CD3D: variants seen among roughly 807,000 people sequenced by gnomAD.
CD3D encodes CD3 delta subunit of T-cell receptor complex, also known as T-cell surface glycoprotein CD3 delta chain.
Under a neutral mutation model 22.0 loss-of-function variants are expected in CD3D, and 22 were observed. The observed-to-expected ratio is 1.00, with a 90% confidence interval of 0.71 to 1.43. CD3D has a LOEUF of 1.43. Ranked by LOEUF, CD3D falls within the 40% of genes most tolerant of loss-of-function variation. The probability of loss-of-function intolerance (pLI) is 0.00; values close to 1 mark genes in which losing one functional copy is unlikely to be tolerated. For synonymous variants in CD3D, 74 were observed against 81.2 expected (o/e 0.91, Z 0.48); for missense variants, 205 against 211.7 (o/e 0.97, Z 0.20).
At chr11:118,339,608 G>T (rs1304284364) in intron 3 of CD3D, 114 bp from the exon 4 acceptor site, 2 of 1,563,652 alleles carry the variant, frequency 1.3e-6, no homozygotes, top group East Asian at 2.2e-5. Flanking sequence ...TCTTTCAACA[G>T]TCAAAGTTCT....
In CD3D at chr11:118,341,787, A is replaced by G. The variant is rs3181262; in HGVS notation, c.55+766T>C. ...ATGAGTTAAAATCCTACCATGTAAC[A>G]ACCCCTCAAATCTTCCCTCCGTCCT... On this transcript the variant is annotated intron_variant, in intron 1 of 4. Coordinates refer to ENST00000300692, the MANE Select transcript of CD3D (RefSeq NM_000732.6). Among the ~76,000 whole-genome samples the G allele has an allele frequency of 2.4e-3, 368 of 152,288 alleles. 2 individuals carry two copies. Among genetic ancestry groups the G allele is most frequent in the African/African-American group, 8.4e-3 (349 of 41,540 alleles).
At position 118,342,565 on chromosome 11, in the gene CD3D, G is replaced by T. The variant is rs892215583; in HGVS notation, c.43C>A (p.Leu15Ile). ...GGAGTAGCCTTACCTTGCGAGAGAA[G>T]GGTAGCCAGTACCAGGCCAGAGAGA... ...TFLSGLVLAT[L>I]LSQVSPFKIP... Residue 15 changes from leucine to isoleucine, a missense_variant, in exon 1 of 5, where the codon CTT (leucine) becomes ATT (isoleucine). Transcript: ENST00000300692. The T allele has an allele frequency of 6.2e-7, 1 of 1,613,526 alleles. No homozygotes were observed.
chr11:118,339,577 G>A, intron 3 of CD3D, 83 bp from the exon 4 acceptor site: 10 of 1,578,076 alleles, frequency 6.3e-6, no homozygotes, highest in South Asian at 1.1e-5. Context: ...AAGTCTGCAT[G>A]AGTGATATGA....
At chr11:118,341,162 T>C (rs1229918512) in intron 1 of CD3D, among the ~76,000 whole-genome samples, 1 of 152,170 alleles carries the variant, frequency 6.6e-6, no homozygotes, top group Non-Finnish European at 1.5e-5. Flanking sequence ...CCAGCTGGTT[T>C]ACCAGCCCCT....
chr11:118,341,189 G>A (rs146465673), intron 1 of CD3D, among the ~76,000 whole-genome samples: 1 of 152,152 alleles, frequency 6.6e-6, no homozygotes, highest in Non-Finnish European at 1.5e-5. Flanking sequence ...TCAGCCAAGT[G>A]GTCCAGAACG....
At chr11:118,340,352 C>A (rs759324030) in intron 2 of CD3D, 23 bp downstream of exon 2, 1 of 1,594,128 alleles carries the variant, frequency 6.3e-7, no homozygotes, top group Non-Finnish European at 8.6e-7. Context: ...CATTCCAACC[C>A]AAAGGGTTCA....
At chr11:118,340,059 C>T (rs1174792958) in intron 2 of CD3D, among the ~76,000 whole-genome samples, 153 bp from the exon 3 acceptor site, 2 of 152,070 alleles carry the variant, frequency 1.3e-5, no homozygotes, top group Non-Finnish European at 2.9e-5. Flanking sequence ...CTTGCCACAC[C>T]TTCCTCCACC....
chr11:118,339,894 C>T lies in CD3D; in HGVS notation c.287G>A (p.Cys96Tyr). 1 of 1,614,038 alleles carries T rather than the reference C, an allele frequency of 6.2e-7. No individual in the cohort carries two copies. The highest frequency in any genetic ancestry group is 8.5e-7 in the Non-Finnish European group (1 of 1,179,996). The change falls in exon 3 of 5, where the codon TGT (cysteine) becomes TAT (tyrosine). Residue 96 changes from cysteine to tyrosine, a missense_variant. By Grantham distance (194) the Cys-to-Tyr change is radical (BLOSUM62 -2). Coordinates refer to ENST00000300692, the MANE Select transcript of CD3D (RefSeq NM_000732.6). ...VQVHYRMCQS[C>Y]VELDPATVAG... is the part of the protein sequence containing the mutation. ...CACGGTGGCTGGATCCAGCTCCACA[C>T]AGCTCTGGCACACTGTGGGGGAAGG...
chr11:118,339,399 C>G (rs1159529633), intron 4 of CD3D, 52 bp downstream of exon 4: 8 of 1,600,410 alleles, frequency 5.0e-6, no homozygotes, highest in Non-Finnish European at 6.9e-6. Flanking sequence ...GTGAGCCTCT[C>G]TATCCCCACT....
At chr11:118,339,026 G>T (rs199676190), downstream of CD3D, 2 of 814,348 alleles carry the variant, frequency 2.5e-6, no homozygotes, top group Admixed American at 1.7e-5. Context: ...AGCAAGTCAG[G>T]ACAACTCCCA....
chr11:118,340,523 T>A lies in CD3D; in HGVS notation c.126A>T (p.Thr42=). The A allele has an allele frequency of 6.2e-7, 1 of 1,614,132 alleles. No individual in the cohort carries two copies. Among genetic ancestry groups the A allele is most frequent in the Non-Finnish European group, 8.5e-7 (1 of 1,180,008 alleles). The stretch of plus-strand genomic sequence containing the variant: ...GTGTTCCCACCGTTCCCTCTACCCA[T>A]GTGATGCTGGTATTGCAATTCACAA... ...RVFVNCNTSI[T]WVEGTVGTLL... The change falls in exon 2 of 5, where the codon ACA becomes ACT. Residue 42 remains threonine, a synonymous_variant. Coordinates refer to ENST00000300692, the MANE Select transcript of CD3D (RefSeq NM_000732.6).
chr11:118,342,425 C>T, intron 1 of CD3D, 128 bp downstream of exon 1: 1 of 804,730 alleles, frequency 1.2e-6, no homozygotes, highest in Non-Finnish European at 2.2e-6. Context: ...CCCACTTCGG[C>T]CTCCCAAAGC....
At chr11:118,340,891 C>G (rs777921960) in intron 1 of CD3D, 1 of 596,318 alleles carries the variant, frequency 1.7e-6, no homozygotes, top group South Asian at 1.5e-5. Context: ...TGAATCCAGA[C>G]CACTGATGAG....
intron 3 of CD3D, 72 bp downstream of exon 3, chr11:118,339,703 C>G (rs1185275800): frequency 6.8e-7 from 1 of 1,467,028 alleles, no homozygotes; most frequent in African/African-American, 1.4e-5. Flanking sequence ...TGCATAAGCT[C>G]ACTGGTACAC....
Position 118,342,660 on chromosome 11 carries a change from T to C in CD3D, c.-53A>G. ...AAGCCAGGTCACCGAACTATCAGCC[T>C]GGGTGAGAGCTGCCCTCCCCTAGCT... On this transcript the variant is annotated 5_prime_UTR_variant, in exon 1 of 5. Transcript: ENST00000300692. 1 of 1,527,438 alleles carries C rather than the reference T, an allele frequency of 6.5e-7. No homozygotes were observed. Among genetic ancestry groups the C allele is most frequent in the Non-Finnish European group, 9.1e-7 (1 of 1,101,784 alleles). The allele number at this position is 1,527,438 out of a possible 1,614,324, so 94.6% of individuals were successfully genotyped here. A position where few individuals can be genotyped will look rare whatever the true frequency, so the allele number is the denominator to read the frequency against.
At chr11:118,339,551 C>T in intron 3 of CD3D, 57 bp from the exon 4 acceptor site, 1 of 1,595,304 alleles carries the variant, frequency 6.3e-7, no homozygotes, top group Admixed American at 1.7e-5. Context: ...TGAGATCCAC[C>T]CTCCCACACC....
At chr11:118,342,441 G>C in intron 1 of CD3D, 112 bp downstream of exon 1, 1 of 947,340 alleles carries the variant, frequency 1.1e-6, no homozygotes, top group Admixed American at 1.8e-5. Context: ...AAAGCTCTGG[G>C]ATTACTGGTG....
rs1162642442 is a variant in CD3D at position 118,342,538 on chromosome 11, C to G, written c.55+15G>C. ...CTCTCAGGTCCCTTCCCCCACCCAC[C>G]TGGAGTAGCCTTACCTTGCGAGAGA... On this transcript the variant is annotated intron_variant, in intron 1 of 4. Coordinates refer to ENST00000300692, the MANE Select transcript of CD3D (RefSeq NM_000732.6). 5.0e-6 allele frequency: 8 copies of G among 1,612,590 alleles called. No homozygotes were observed. Among genetic ancestry groups the G allele is most frequent in the Non-Finnish European group, 6.8e-6 (8 of 1,178,864 alleles).
Position 118,342,108 on chromosome 11 carries a change from A to G in CD3D, c.55+445T>C, listed in dbSNP as rs530500770. Among the ~76,000 whole-genome samples, 15 of 152,200 alleles carry G rather than the reference A, an allele frequency of 9.9e-5. No individual in the cohort carries two copies. In the South Asian group the frequency reaches 1.0e-3, roughly 11 times the overall value. ...GAGCCTGTTTCCCAGACTCTATGCT[A>G]CATCCTGCCCCTGCCCTCCTGACAC... On this transcript the variant is annotated intron_variant, in intron 1 of 4. Coordinates refer to ENST00000300692, the MANE Select transcript of CD3D (RefSeq NM_000732.6).
Sources: allele counts gnomAD v4.1 joint callset (sites outside exome capture counted in the v4.1 genomes callset), GRCh38; gene constraint gnomAD v4.1.1; transcripts MANE v1.5; gene names NCBI Gene and HGNC (gene_info 2026-07-23, HGNC 2026-07-21).